Variants in USP14 observed in about 807,000 individuals in gnomAD.
USP14 encodes ubiquitin carboxyl-terminal hydrolase 14.
A neutral mutation model predicts 76.5 loss-of-function variants in USP14; 38 were observed. The observed-to-expected ratio is 0.50, with a 90% CI of 0.38 to 0.65. The LOEUF is 0.65. USP14 is among the 30% of genes least tolerant of loss of function. USP14 has a pLI of 0.00. For missense variants in USP14, 467 were observed against 586.5 expected (o/e 0.80, Z 2.10); for synonymous variants, 192 against 191.7 (o/e 1.00, Z -0.01).
chr18:187,444 C>T (rs1437702047), intron 5 of USP14, among the ~76,000 whole-genome samples: 1 of 152,116 alleles, frequency 6.6e-6, no homozygotes, highest in Non-Finnish European at 1.5e-5. Context: ...ACGCCTTTCT[C>T]CCTCTAAATG....
intron 3 of USP14, among the ~76,000 whole-genome samples, chr18:174,718 C>T (rs1380507889): frequency 6.6e-6 from 1 of 151,938 alleles, no homozygotes; most frequent in Non-Finnish European, 1.5e-5. Flanking sequence ...GGTTCTCCCA[C>T]CTCACCCTCC....
chr18:170,483 C>T (rs1909412263), intron 3 of USP14, among the ~76,000 whole-genome samples: 2 of 152,014 alleles, frequency 1.3e-5, no homozygotes, highest in South Asian at 2.1e-4. Context: ...AGCAGTTAAC[C>T]AAGTTGTGAA....
chr18:213,891 G>A lies in USP14; in HGVS notation c.*2607G>A, dbSNP rs1220891798. On this transcript the variant is annotated 3_prime_UTR_variant, in exon 16 of 16. Coordinates refer to ENST00000261601, the MANE Select transcript of USP14 (RefSeq NM_005151.4). ...TGAGAGGTCAGGCAATTTTTGTAAG[G>A]CTAGAAGGAAAAGTGAGGTTTTAGA... 1 of 152,176 alleles carries A rather than the reference G, an allele frequency of 6.6e-6. No individual in the cohort carries two copies. Among genetic ancestry groups the A allele is most frequent in the Non-Finnish European group, 1.5e-5 (1 of 68,082 alleles). The allele number at this position is 152,176 out of a possible 1,614,324, so 9.4% of individuals were successfully genotyped here. A position where few individuals can be genotyped will look rare whatever the true frequency, so the allele number is the denominator to read the frequency against.
At chr18:173,575 C>A (rs545346509) in intron 3 of USP14, among the ~76,000 whole-genome samples, 1 of 152,058 alleles carries the variant, frequency 6.6e-6, no homozygotes, top group Non-Finnish European at 1.5e-5. Flanking sequence ...CCACACCCAG[C>A]TAATTGTTTG....
chr18:169,484 A>AT (rs59541329), intron 3 of USP14, among the ~76,000 whole-genome samples: 28,396 of 149,568 alleles, frequency 0.19, 2,822 homozygotes, highest in Non-Finnish European at 0.23. Flanking sequence ...TGATGGTGTG[A>AT]TTTTTTTTTC....
intron 1 of USP14, among the ~76,000 whole-genome samples, chr18:159,266 G>A (rs1020322079): frequency 2.8e-4 from 42 of 152,244 alleles, no homozygotes; most frequent in African/African-American, 9.6e-4. Context: ...TTTTTGCTTC[G>A]TTTTCGTTTC....
chr18:201,714 G>T (rs967378588), intron 10 of USP14, among the ~76,000 whole-genome samples: 5 of 152,088 alleles, frequency 3.3e-5, no homozygotes, highest in Non-Finnish European at 7.4e-5. Flanking sequence ...GAGTGCTTTG[G>T]CAGGGACTCT....
intron 10 of USP14, 130 bp downstream of exon 10, chr18:199,446 C>T (rs564150675): frequency 2.1e-5 from 13 of 616,464 alleles, no homozygotes; most frequent in Admixed American, 6.2e-5. Context: ...TTGAGTTGCC[C>T]GATACACACA....
At position 212,566 on chromosome 18, in the gene USP14, T is replaced by C. The variant is rs578162410; in HGVS notation, c.*1282T>C. 6.6e-6 allele frequency: 1 copy of C among 151,790 alleles called. No homozygotes were observed. Among genetic ancestry groups the C allele is most frequent in the East Asian group, 1.9e-4 (1 of 5,172 alleles). 9.4% of individuals were successfully genotyped at this position (151,790 alleles called of 1,614,324 possible). On this transcript the variant is annotated 3_prime_UTR_variant, in exon 16 of 16. Transcript: ENST00000261601. ...TTGCAGTGAGCTGAGATCACACCAC[T>C]GCACTCCAGCCTGGGTGACAGAGAG...
rs888481410 is a variant in USP14, at chr18:198,865, C to T, written c.762-337C>T. Among the ~76,000 whole-genome samples, 5 of 152,154 alleles carry T rather than the reference C, an allele frequency of 3.3e-5. No homozygotes were observed. In the South Asian group the frequency reaches 1.0e-3, roughly 31 times the overall value. ...TAATAAAACATGAATCAGGAAAGTA[C>T]TGTCTTCTAGGTCATGGTTAGAAAA... On this transcript the variant is annotated intron_variant, in intron 9 of 15. Transcript: ENST00000261601.
chr18:192,687 A>G (rs567949229), intron 5 of USP14, among the ~76,000 whole-genome samples, 155 bp from the exon 6 acceptor site: 1 of 152,304 alleles, frequency 6.6e-6, no homozygotes, highest in East Asian at 1.9e-4. Flanking sequence ...ATTTCTGGTC[A>G]TGCAAGACCA....
chr18:173,122 T>C (rs899981017), intron 3 of USP14, among the ~76,000 whole-genome samples: 4 of 151,648 alleles, frequency 2.6e-5, no homozygotes, highest in Admixed American at 2.6e-4. Context: ...TTTTTTTTTT[T>C]CTTTGAGACG....
intron 5 of USP14, among the ~76,000 whole-genome samples, chr18:181,482 A>T (rs1198037578): frequency 6.6e-6 from 1 of 151,938 alleles, no homozygotes; most frequent in African/African-American, 2.4e-5. Flanking sequence ...TTCTTTGGAG[A>T]AATGTCTGTT....
chr18:208,530 C>A (rs1237650786), intron 13 of USP14, among the ~76,000 whole-genome samples: 4 of 151,938 alleles, frequency 2.6e-5, no homozygotes, highest in Admixed American at 1.3e-4. Flanking sequence ...TATAAATTTC[C>A]CTTTCAGCAG....
intron 5 of USP14, among the ~76,000 whole-genome samples, chr18:191,880 C>T (rs998587151): frequency 6.6e-6 from 1 of 152,156 alleles, no homozygotes; most frequent in African/African-American, 2.4e-5. Context: ...CTCCCTCTCA[C>T]TTCAGTGTTT....
At chr18:180,170 T>C (rs1284559116) in intron 4 of USP14, 66 bp from the exon 5 acceptor site, 1 of 816,990 alleles carries the variant, frequency 1.2e-6, no homozygotes, top group South Asian at 1.9e-5. Context: ...GTGATTTATA[T>C]ATGCCATGTC....
rs371155458 is a variant in USP14, at chr18:211,002, G to A, written c.1334-131G>A. The A allele has an allele frequency of 2.8e-4, 245 of 875,980 alleles. 1 individual carries two copies. In the African/African-American group the frequency reaches 2.8e-3, roughly 10 times the overall value. 54.3% of individuals were successfully genotyped at this position (875,980 alleles called of 1,614,324 possible). A position where few individuals can be genotyped will look rare whatever the true frequency, so the allele number is the denominator to read the frequency against. ...CTTAAGCCTGTGTGGTCACTGGGTC[G>A]CACTTGGAGGACTGTTGGTGTGGCC... On this transcript the variant is annotated intron_variant, in intron 15 of 15. Coordinates refer to ENST00000261601, the MANE Select transcript of USP14 (RefSeq NM_005151.4).
chr18:185,737 G>T (rs1377530894), intron 5 of USP14, among the ~76,000 whole-genome samples: 1 of 151,490 alleles, frequency 6.6e-6, no homozygotes, highest in Non-Finnish European at 1.5e-5. Context: ...TCGCTCTGTT[G>T]CCCAGGCTCT....
rs1267342271 is a variant in USP14 at position 200,652 on chromosome 18, A to T, written c.876+1336A>T. ...AACATACGGTTTTGCTTGCTGACTT[A>T]CTAATTTGGTGTGCTTTGGGGATAT... On this transcript the variant is annotated intron_variant, in intron 10 of 15. Transcript: ENST00000261601. 2.6e-5 allele frequency among the ~76,000 whole-genome samples: 4 copies of T among 152,326 alleles called. No homozygotes were observed. In the South Asian group the frequency reaches 6.2e-4, roughly 24 times the overall value.
Sources: gnomAD v4.1 joint callset for allele counts (sites outside exome capture counted in the v4.1 genomes callset) on GRCh38, gnomAD v4.1.1 for gene constraint, MANE v1.5 for transcripts, NCBI Gene and HGNC (gene_info 2026-07-23, HGNC 2026-07-21) for gene names.